The following DYNLT3 variants were observed in gnomAD, a reference collection of about 807,000 sequenced individuals.
The protein encoded by DYNLT3 is protein 91/23.
In DYNLT3, 4 loss-of-function variants were observed where a neutral mutation model predicts 11.0. The observed-to-expected ratio is 0.36, with a 90% CI of 0.18 to 0.83. DYNLT3 has a LOEUF of 0.83. Among genes scored for constraint, DYNLT3 ranks in the 40% least tolerant of loss-of-function variants. DYNLT3 has a pLI of 0.47. For missense variants in DYNLT3, 91 were observed against 91.1 expected (o/e 1.00, Z 0.01); for synonymous variants, 37 against 31.2 (o/e 1.18, Z -0.61).
chrX:37,840,559 C>T lies in DYNLT3; in HGVS notation c.*16G>A. On this transcript the variant is annotated 3_prime_UTR_variant, in exon 5 of 5. Transcript: ENST00000378578. ...AATTCTTAAGTTAATGGCTTTAGCC[C>T]AACATTTTTAGTCAGTTAAAGAACA... The T allele has an allele frequency of 8.5e-7, 1 of 1,180,704 alleles. No individual in the cohort carries two copies. Among genetic ancestry groups the T allele is most frequent in the Non-Finnish European group, 1.1e-6 (1 of 880,385 alleles).
chrX:37,846,962 G>A, intron 1 of DYNLT3: 2 of 1,143,426 alleles, frequency 1.7e-6, no homozygotes, highest in Non-Finnish European at 2.3e-6. Flanking sequence ...GGTTTCTGGT[G>A]AGGGTTGGGA....
rs1398084522 is a variant in DYNLT3 at position 37,839,807 on chromosome X, A to G, written c.*768T>C. The stretch of plus-strand genomic sequence containing the variant: ...CAGCACATTGACAACTATGGTGCTT[A>G]GCAGAGACATATGCCCATAATAGGC... On this transcript the variant is annotated 3_prime_UTR_variant, in exon 5 of 5. Transcript: ENST00000378578. 1 of 112,623 alleles carries G rather than the reference A, an allele frequency of 8.9e-6. No homozygotes were observed. Among genetic ancestry groups the G allele is most frequent in the African/African-American group, 3.2e-5 (1 of 30,943 alleles). The allele number at this position is 112,623 out of a possible 1,213,427, so 9.3% of individuals were successfully genotyped here.
Position 37,840,504 on chromosome X carries a change from A to G in DYNLT3, c.*71T>C, listed in dbSNP as rs989547597. 4 of 979,420 alleles carry G rather than the reference A, an allele frequency of 4.1e-6. No homozygotes were observed. The South Asian group carries it at 7.2e-5, about 18-fold the overall frequency. The allele number at this position is 979,420 out of a possible 1,213,427, so 80.7% of individuals were successfully genotyped here. On this transcript the variant is annotated 3_prime_UTR_variant, in exon 5 of 5. Transcript: ENST00000378578. ...TCATCTAGCACACTAGTAAACAACTATTACTCTTTTTGGAAAGGATACACT... is the reference window on the plus strand; with the variant it reads ...TCATCTAGCACACTAGTAAACAACTGTTACTCTTTTTGGAAAGGATACACT...
intron 4 of DYNLT3, 104 bp from the exon 5 acceptor site, chrX:37,840,755 CA>C (rs1930132583): frequency 4.6e-6 from 1 of 218,335 alleles, no homozygotes; most frequent in East Asian, 5.7e-5. Context: ...CACATATACA[CA>C]CACACACACA....
chrX:37,839,840 A>G lies in DYNLT3; in HGVS notation c.*735T>C, dbSNP rs915157712. 3.6e-5 allele frequency: 4 copies of G among 112,568 alleles called. No individual in the cohort carries two copies. The highest frequency in any genetic ancestry group is 1.3e-4 in the African/African-American group (4 of 30,940). 9.3% of individuals were successfully genotyped at this position (112,568 alleles called of 1,213,427 possible). A position where few individuals can be genotyped will look rare whatever the true frequency, so the allele number is the denominator to read the frequency against. On this transcript the variant is annotated 3_prime_UTR_variant, in exon 5 of 5. Transcript: ENST00000378578. ...CATATGCCCATAATAGGCATCTGAT[A>G]AATGTTTGTTCCACATGGAATGAGT... is the stretch of plus-strand genomic sequence containing the variant.
chrX:37,841,312 A>G (rs1930153431), intron 3 of DYNLT3, among the ~76,000 whole-genome samples: 1 of 112,216 alleles, frequency 8.9e-6, no homozygotes, highest in African/African-American at 3.2e-5. Flanking sequence ...TTTTGACCCC[A>G]CTGGATTCAG....
chrX:37,841,658 G>T (rs1930162277), intron 3 of DYNLT3, 124 bp downstream of exon 3: 6 of 705,453 alleles, frequency 8.5e-6, no homozygotes, highest in East Asian at 8.2e-5. Flanking sequence ...GAGTAAATCA[G>T]AAGTCCTTTA....
chrX:37,840,625 G>A lies in DYNLT3; in HGVS notation c.301C>T (p.Arg101Trp), dbSNP rs746994957. The stretch of plus-strand genomic sequence containing the variant: ...ACGTTGACAATACAGTTCATGGTCC[G>A]GTTCTCCCATCTTACGGTACAGGTT... ...DGTCTVRWEN[R>W]TMNCIVNVFA... The change falls in exon 5 of 5, where the codon CGG becomes TGG. Residue 101 changes from arginine (R) to tryptophan (W), a missense_variant. Physicochemically the swap from Arg to Trp is moderately radical, Grantham distance 101 (BLOSUM62 -3). Transcript: ENST00000378578. 8.3e-6 allele frequency: 10 copies of A among 1,201,348 alleles called. No homozygotes were observed. In the Admixed American group the frequency reaches 1.6e-4, roughly 19 times the overall value.
At chrX:37,847,145 G>A in intron 1 of DYNLT3, 1 of 1,145,246 alleles carries the variant, frequency 8.7e-7, no homozygotes, top group Non-Finnish European at 1.2e-6. Flanking sequence ...GCAGCGGGAA[G>A]ACCCGTTTTC....
At chrX:37,842,543 C>T (rs1379590180) in intron 2 of DYNLT3, among the ~76,000 whole-genome samples, 1 of 111,494 alleles carries the variant, frequency 9.0e-6, no homozygotes, top group African/African-American at 3.3e-5. Context: ...AGTCAAATAT[C>T]ATAATTTCCC....
chrX:37,840,761 C>CAA, intron 4 of DYNLT3, 110 bp from the exon 5 acceptor site: 1 of 302,505 alleles, frequency 3.3e-6, no homozygotes, highest in Non-Finnish European at 5.3e-6. Context: ...TACACACACA[C>CAA]ACACACACAC....
Position 37,847,519 on chromosome X carries a change from C to T in DYNLT3, c.-9G>A. 2 of 974,290 alleles carry T rather than the reference C, an allele frequency of 2.1e-6. No homozygotes were observed. Among genetic ancestry groups the T allele is most frequent in the Non-Finnish European group, 2.6e-6 (2 of 772,100 alleles). The allele number at this position is 974,290 out of a possible 1,213,427, so 80.3% of individuals were successfully genotyped here. A position where few individuals can be genotyped will look rare whatever the true frequency, so the allele number is the denominator to read the frequency against. Reference sequence around the variant, plus strand: ...CGATGGTACTCCTCCATGGTAGCGCCGGCTCTCCCTGGGGCGGAGCGACAC... The same window carrying T: ...CGATGGTACTCCTCCATGGTAGCGCTGGCTCTCCCTGGGGCGGAGCGACAC... On this transcript the variant is annotated 5_prime_UTR_variant, in exon 1 of 5. Coordinates refer to ENST00000378578, the MANE Select transcript of DYNLT3 (RefSeq NM_006520.3).
At chrX:37,843,438 C>G (rs1930209038) in intron 2 of DYNLT3, among the ~76,000 whole-genome samples, 1 of 112,357 alleles carries the variant, frequency 8.9e-6, no homozygotes, top group South Asian at 3.7e-4. Flanking sequence ...TAATTAACAT[C>G]TAGCCTAATT....
intron 2 of DYNLT3, among the ~76,000 whole-genome samples, chrX:37,844,371 T>C (rs1221444553): frequency 2.7e-5 from 3 of 111,975 alleles, no homozygotes; most frequent in African/African-American, 9.7e-5. Flanking sequence ...AGGAAACTCA[T>C]CAGTGTACAA....
intron 1 of DYNLT3, 59 bp downstream of exon 1, chrX:37,847,422 A>T (rs1046949127): frequency 1.0e-6 from 1 of 1,000,545 alleles, no homozygotes; most frequent in Non-Finnish European, 1.3e-6. Flanking sequence ...ACCCGGCAAG[A>T]GCCCCGCGCA....
chrX:37,844,649 C>CT (rs1472977552), intron 2 of DYNLT3, among the ~76,000 whole-genome samples: 1 of 112,261 alleles, frequency 8.9e-6, no homozygotes, highest in African/African-American at 3.2e-5. Flanking sequence ...CATTCCTGGC[C>CT]TCTTGTCCTG....
chrX:37,840,951 A>G (rs1461164613), intron 4 of DYNLT3, 77 bp downstream of exon 4: 3 of 1,016,033 alleles, frequency 3.0e-6, no homozygotes, highest in Non-Finnish European at 4.1e-6. Context: ...TCAGAATTAA[A>G]TAAGTACTTG....
chrX:37,840,886 G>A, intron 4 of DYNLT3, 142 bp downstream of exon 4: 1 of 616,299 alleles, frequency 1.6e-6, no homozygotes, highest in Non-Finnish European at 2.5e-6. Flanking sequence ...CGGTCTGAAG[G>A]TATACTTGTT....
chrX:37,847,495 G>C lies in DYNLT3; in HGVS notation c.16C>G (p.Arg6Gly). 4 of 996,089 alleles carry C rather than the reference G, an allele frequency of 4.0e-6. No individual in the cohort carries two copies. The highest frequency in any genetic ancestry group is 5.1e-6 in the Non-Finnish European group (4 of 785,911). 82.1% of individuals were successfully genotyped at this position (996,089 alleles called of 1,213,427 possible). A position where few individuals can be genotyped will look rare whatever the true frequency, so the allele number is the denominator to read the frequency against. Residue 6 changes from arginine to glycine, a missense_variant, in exon 1 of 5, where the codon CGC becomes GGC. By Grantham distance (125) the Arg-to-Gly change is moderately radical. Coordinates refer to ENST00000378578, the MANE Select transcript of DYNLT3 (RefSeq NM_006520.3). ...AGGGGCGGTACCTCGTCGCAGTGGC[G>C]ATGGTACTCCTCCATGGTAGCGCCG... is the stretch of plus-strand genomic sequence containing the variant. MEEYH[R>G]HCDEVGFNAE...
Sources: allele counts gnomAD v4.1 joint callset (sites outside exome capture counted in the v4.1 genomes callset), GRCh38; gene constraint gnomAD v4.1.1; transcripts MANE v1.5; gene names NCBI Gene and HGNC (gene_info 2026-07-23, HGNC 2026-07-21).